CPNE1: variants seen among roughly 807,000 people sequenced by gnomAD.
CPNE1 encodes copine-1.
In CPNE1, 58 loss-of-function variants were observed where a neutral mutation model predicts 63.2. The observed-to-expected ratio is 0.92, with a 90% CI of 0.74 to 1.14. The LOEUF (loss-of-function observed/expected upper bound fraction) is 1.14, where lower values mean the gene tolerates loss of function less well. Among genes scored for constraint, CPNE1 ranks in the 50% most tolerant of loss-of-function variants. The pLI is 0.00. For missense variants in CPNE1, 672 were observed against 661.7 expected (o/e 1.02, Z -0.17); for synonymous variants, 237 against 249.0 (o/e 0.95, Z 0.45).
chr20:35,628,497 T>G (rs2031913695), intron 13 of CPNE1, among the ~76,000 whole-genome samples: 1 of 152,170 alleles, frequency 6.6e-6, no homozygotes, highest in African/African-American at 2.4e-5. Flanking sequence ...ATCAACATCA[T>G]GTTCCTCTGA....
At chr20:35,660,270 T>C (rs1408868175) in intron 1 of CPNE1, among the ~76,000 whole-genome samples, 1 of 152,176 alleles carries the variant, frequency 6.6e-6, no homozygotes, top group African/African-American at 2.4e-5. Context: ...TGGCGCGATC[T>C]AGGCTCATTA....
intron 1 of CPNE1, chr20:35,652,275 G>C: frequency 2.7e-6 from 1 of 376,676 alleles, no homozygotes; most frequent in Non-Finnish European, 4.8e-6. Context: ...TTTTACAAAT[G>C]GTTTCTCTAA....
intron 1 of CPNE1, among the ~76,000 whole-genome samples, chr20:35,659,413 A>G (rs1210631590): frequency 6.6e-6 from 1 of 152,234 alleles, no homozygotes; most frequent in Non-Finnish European, 1.5e-5. Context: ...GAAAAGGCAC[A>G]AGTTCGCACA....
rs139231437 is a variant in CPNE1, at chr20:35,632,834, G to A, written c.90C>T (p.Cys30=). ...KDIGSKSDPL[C]VLLQDVGGGS... ...CCCCTCCCACATCCTGTAAAAGGAC[G>A]CAGAGTGGGTCAGACTTGGAGCCGA... The change falls in exon 2 of 16, where the codon TGC becomes TGT. Residue 30 remains cysteine (C), a synonymous_variant. Transcript: ENST00000397443. 2.7e-4 allele frequency: 235 copies of A among 872,868 alleles called. 1 individual carries two copies. In the East Asian group the frequency reaches 4.6e-3, roughly 17 times the overall value. The allele number at this position is 872,868 out of a possible 1,614,324, so 54.1% of individuals were successfully genotyped here.
Position 35,630,987 on chromosome 20 carries a change from G to T in CPNE1, c.909C>A (p.Asp303Glu). 3.1e-6 allele frequency: 5 copies of T among 1,613,856 alleles called. No homozygotes were observed. The highest frequency in any genetic ancestry group is 4.2e-6 in the Non-Finnish European group (5 of 1,179,928). Residue 303 changes from aspartate to glutamate, a missense_variant, in exon 11 of 16, where the codon GAC becomes GAA. Coordinates refer to ENST00000397443, the MANE Select transcript of CPNE1 (RefSeq NM_152925.3). ...CTGTTGGACTCAGGTAGTGTAGGGA[G>T]TCAGGTGAGGAGGGGTCTCCATTGG... The part of the protein sequence containing the change: ...TGSNGDPSSP[D>E]SLHYLSPTGV...
At chr20:35,626,423 T>G (rs770711398) in intron 15 of CPNE1, 42 bp from the exon 16 acceptor site, 8 of 1,610,274 alleles carry the variant, frequency 5.0e-6, no homozygotes, top group Middle Eastern at 1.7e-4. Flanking sequence ...CCAGAACAGC[T>G]GCCCAAAGTC....
chr20:35,649,444 G>A (rs913966781), intron 1 of CPNE1: 2 of 152,400 alleles, frequency 1.3e-5, no homozygotes, highest in Non-Finnish European at 2.9e-5. Flanking sequence ...GGTTAAGACT[G>A]GCCTTAACTA....
chr20:35,652,616 C>T (rs2033597960), intron 1 of CPNE1: 1 of 1,614,114 alleles, frequency 6.2e-7, no homozygotes, highest in Non-Finnish European at 8.5e-7. Context: ...GACTCAAAGG[C>T]CACCATGGCT....
chr20:35,635,910 T>C (rs1952252452), intron 1 of CPNE1, among the ~76,000 whole-genome samples: 1 of 152,280 alleles, frequency 6.6e-6, no homozygotes, highest in South Asian at 2.1e-4. Flanking sequence ...GGCCCCTGCA[T>C]GAACAGTCCC....
chr20:35,658,385 C>T (rs1394391541), intron 1 of CPNE1, among the ~76,000 whole-genome samples: 1 of 152,096 alleles, frequency 6.6e-6, no homozygotes, highest in Non-Finnish European at 1.5e-5. Flanking sequence ...ATAAATAGAT[C>T]CATATAAATG....
At chr20:35,652,845 C>G (rs202158484) in intron 1 of CPNE1, 1 of 1,574,248 alleles carries the variant, frequency 6.4e-7, no homozygotes, top group South Asian at 1.1e-5. Flanking sequence ...CGGGGCCAGG[C>G]CCAAAAGCTG....
rs773677683 is a variant in CPNE1, at chr20:35,632,256, A to G, written c.385-22T>C. 3.7e-6 allele frequency: 6 copies of G among 1,613,022 alleles called. No individual in the cohort carries two copies. The South Asian group carries it at 6.6e-5, about 18-fold the overall frequency. On this transcript the variant is annotated intron_variant, in intron 4 of 15. Coordinates refer to ENST00000397443, the MANE Select transcript of CPNE1 (RefSeq NM_152925.3). ...AGACCTAGGTAGGGGAGACTACATC[A>G]CCTCATGAATTCATTGATGTTAAGT...
chr20:35,649,531 A>G (rs2033352933), intron 1 of CPNE1: 1 of 152,638 alleles, frequency 6.6e-6, no homozygotes, highest in African/African-American at 2.4e-5. Flanking sequence ...GACAACTTGG[A>G]GTACAAAGCT....
chr20:35,653,146 T>C, intron 1 of CPNE1: 2 of 1,613,604 alleles, frequency 1.2e-6, no homozygotes, highest in Non-Finnish European at 1.7e-6. Context: ...TCCACCAAAA[T>C]TACCAGGAAA....
intron 1 of CPNE1, chr20:35,653,724 T>C (rs2146348674): frequency 1.2e-6 from 2 of 1,614,226 alleles, no homozygotes; most frequent in East Asian, 2.2e-5. Flanking sequence ...CCTCTGGATT[T>C]AGTATCATTT....
chr20:35,654,932 G>C lies in CPNE1; in HGVS notation c.-1+9828C>G, dbSNP rs776139818. ...GAAGTGGTGGCAGTAACTACACTGGGTGATGGATTATTAAAGTTGGATACT... is the reference window on the plus strand; with the variant it reads ...GAAGTGGTGGCAGTAACTACACTGGCTGATGGATTATTAAAGTTGGATACT... On this transcript the variant is annotated intron_variant, in intron 1 of 15. Coordinates refer to ENST00000397443, the MANE Select transcript of CPNE1 (RefSeq NM_152925.3). The C allele has an allele frequency of 8.1e-6, 13 of 1,614,130 alleles. No individual in the cohort carries two copies. In the South Asian group the frequency reaches 1.4e-4, roughly 18 times the overall value.
chr20:35,649,572 T>C (rs929088592), intron 1 of CPNE1: 3 of 152,652 alleles, frequency 2.0e-5, no homozygotes, highest in African/African-American at 7.2e-5. Flanking sequence ...CACTGTTTCA[T>C]TTTTTAAAAA....
chr20:35,662,856 A>G (rs1346559020), intron 1 of CPNE1, among the ~76,000 whole-genome samples: 1 of 152,248 alleles, frequency 6.6e-6, no homozygotes, highest in Non-Finnish European at 1.5e-5. Context: ...TTAGCATGTA[A>G]CAATACGTTG....
intron 1 of CPNE1, among the ~76,000 whole-genome samples, chr20:35,663,041 G>T (rs1302138295): frequency 6.6e-6 from 1 of 152,002 alleles, no homozygotes; most frequent in African/African-American, 2.4e-5. Context: ...TATATACTAA[G>T]CACATCTTCA....
Sources: allele counts gnomAD v4.1 joint callset (sites outside exome capture counted in the v4.1 genomes callset), GRCh38; gene constraint gnomAD v4.1.1; transcripts MANE v1.5; gene names NCBI Gene and HGNC (gene_info 2026-07-23, HGNC 2026-07-21).